CHM: variants seen among roughly 807,000 people sequenced by gnomAD.
The protein encoded by CHM is rab proteins geranylgeranyltransferase component A 1.
A neutral mutation model predicts 49.0 loss-of-function variants in CHM; 10 were observed. That is an observed-to-expected ratio of 0.20 (90% CI 0.13 to 0.35). The LOEUF (loss-of-function observed/expected upper bound fraction) is 0.35, where lower values mean the gene tolerates loss of function less well. Ranked by LOEUF, CHM falls within the 10% of genes least tolerant of loss-of-function variation. The pLI is 1.00. For missense variants in CHM, 455 were observed against 478.4 expected (o/e 0.95, Z 0.46); for synonymous variants, 184 against 167.5 (o/e 1.10, Z -0.76).
intron 8 of CHM, among the ~76,000 whole-genome samples, chrX:85,914,037 G>A (rs1285415565): frequency 9.0e-6 from 1 of 111,629 alleles, no homozygotes; most frequent in African/African-American, 3.3e-5. Flanking sequence ...AAGAAGGGGT[G>A]AGTGAAATAG....
intron 2 of CHM, among the ~76,000 whole-genome samples, chrX:85,982,609 C>T (rs1931690404): frequency 9.0e-6 from 1 of 110,992 alleles, no homozygotes; most frequent in South Asian, 3.9e-4. Flanking sequence ...TAATTCTTCA[C>T]TGCATATTGG....
At chrX:85,911,176 A>ATATATATAT (rs1926960599) in intron 9 of CHM, 85 bp downstream of exon 9, 1 of 23,402 alleles carries the variant, frequency 4.3e-5, no homozygotes, top group African/African-American at 8.1e-4. Context: ...TATATATATG[A>ATATATATAT]ATATATATAT....
chrX:85,996,731 T>C (rs1201966393), intron 2 of CHM, among the ~76,000 whole-genome samples: 3 of 111,823 alleles, frequency 2.7e-5, no homozygotes, highest in Non-Finnish European at 5.6e-5. Flanking sequence ...AAGTCACCCT[T>C]CTGCTCACCT....
At chrX:85,993,737 ATTGT>A (rs1002214538) in intron 2 of CHM, among the ~76,000 whole-genome samples, 2 of 111,664 alleles carry the variant, frequency 1.8e-5, no homozygotes, top group Non-Finnish European at 3.8e-5. Flanking sequence ...CACACTCAAC[ATTGT>A]TTGAGTGAGC....
At chrX:85,970,947 T>C in intron 4 of CHM, 1 of 720,561 alleles carries the variant, frequency 1.4e-6, no homozygotes. Context: ...GTCTTTAGCC[T>C]GTTTTGCAAT....
intron 8 of CHM, among the ~76,000 whole-genome samples, chrX:85,934,439 T>C (rs1169313776): frequency 1.6e-5 from 1 of 61,786 alleles, no homozygotes; most frequent in Non-Finnish European, 2.8e-5. Flanking sequence ...CCCCACCCCA[T>C]GACAGGTCCT....
At chrX:85,899,839 A>G (rs1926142765) in intron 11 of CHM, among the ~76,000 whole-genome samples, 1 of 110,343 alleles carries the variant, frequency 9.1e-6, no homozygotes, top group Non-Finnish European at 1.9e-5. Flanking sequence ...TAACAATGTT[A>G]TTAGCACAGG....
chrX:85,916,642 C>A (rs1927472357), intron 8 of CHM, among the ~76,000 whole-genome samples: 1 of 111,817 alleles, frequency 8.9e-6, no homozygotes, highest in African/African-American at 3.3e-5. Flanking sequence ...AGAATATGAA[C>A]ACACACTTTT....
At chrX:85,978,741 T>C in intron 4 of CHM, 26 bp downstream of exon 4, 1 of 1,183,567 alleles carries the variant, frequency 8.4e-7, no homozygotes. Flanking sequence ...TTAATTTAGT[T>C]TACCTGCAGT....
chrX:86,005,969 A>C (rs1274247495), intron 2 of CHM, among the ~76,000 whole-genome samples: 1 of 111,885 alleles, frequency 8.9e-6, no homozygotes, highest in Non-Finnish European at 1.9e-5. Context: ...AGAAAAGAGA[A>C]TATTAAACCA....
chrX:85,900,095 G>T (rs1456500123), intron 11 of CHM, among the ~76,000 whole-genome samples: 2 of 111,610 alleles, frequency 1.8e-5, no homozygotes. Context: ...CGAAGATTTG[G>T]AAACAACCTA....
intron 2 of CHM, among the ~76,000 whole-genome samples, chrX:86,017,422 A>G (rs1485450654): frequency 6.3e-5 from 7 of 111,605 alleles, no homozygotes; most frequent in African/African-American, 2.0e-4. Context: ...ACCCAGTGGG[A>G]AATAATTTGA....
intron 8 of CHM, among the ~76,000 whole-genome samples, chrX:85,924,506 C>G (rs1927971265): frequency 8.9e-6 from 1 of 111,861 alleles, no homozygotes; most frequent in African/African-American, 3.2e-5. Context: ...AGAAAGCACT[C>G]TTACTCCACC....
intron 11 of CHM, 61 bp from the exon 12 acceptor site, chrX:85,894,345 A>G: frequency 1.2e-6 from 1 of 852,254 alleles, no homozygotes; most frequent in Non-Finnish European, 1.8e-6. Context: ...TTCTTCTAAC[A>G]TTAAAATGCT....
At chrX:85,984,030 C>T (rs1055328542) in intron 2 of CHM, among the ~76,000 whole-genome samples, 3 of 108,855 alleles carry the variant, frequency 2.8e-5, no homozygotes, top group Non-Finnish European at 3.8e-5. Context: ...GGTGAAACCC[C>T]GTCTCTACTA....
At chrX:85,913,014 GA>G (rs755460793) in intron 8 of CHM, among the ~76,000 whole-genome samples, 220 of 38,219 alleles carry the variant, frequency 5.8e-3, no homozygotes, top group East Asian at 0.03. Context: ...CTCCATCTCA[GA>G]AAAAAAAAAA....
intron 1 of CHM, among the ~76,000 whole-genome samples, chrX:86,041,759 C>CATATAT (rs1934478565): frequency 1.5e-5 from 1 of 64,604 alleles, no homozygotes; most frequent in African/African-American, 5.8e-5. Flanking sequence ...TATATATATA[C>CATATAT]ATATATATAT....
intron 12 of CHM, among the ~76,000 whole-genome samples, chrX:85,892,709 T>C (rs986028334): frequency 2.7e-5 from 3 of 111,502 alleles, no homozygotes; most frequent in African/African-American, 9.8e-5. Flanking sequence ...TTTAGGATTA[T>C]AGCAATGTTG....
chrX:85,997,683 C>T (rs1030265633), intron 2 of CHM, among the ~76,000 whole-genome samples: 43 of 111,315 alleles, frequency 3.9e-4, no homozygotes, highest in African/African-American at 1.3e-3. Flanking sequence ...GGGGCGGTGG[C>T]GGTGGCTCAC....
Sources: allele counts gnomAD v4.1 joint callset (sites outside exome capture counted in the v4.1 genomes callset), GRCh38; gene constraint gnomAD v4.1.1; transcripts MANE v1.5; gene names NCBI Gene and HGNC (gene_info 2026-07-23, HGNC 2026-07-21).